NALF1: variants seen among roughly 807,000 people sequenced by gnomAD.
NALF1 encodes family with sequence similarity 155 member A.
Under a neutral mutation model 48.4 loss-of-function variants are expected in NALF1, and 3 were observed. The ratio of observed to expected loss-of-function variants is 0.06; its 90% CI spans 0.03 to 0.16. The LOEUF is 0.16. Among genes scored for constraint, NALF1 ranks in the 10% least tolerant of loss-of-function variants. NALF1 has a pLI of 1.00. For missense variants in NALF1, 526 were observed against 571.5 expected, an observed-to-expected ratio of 0.92 and a Z score of 0.81; for synonymous variants, 262 against 245.7, an observed-to-expected ratio of 1.07 and a Z score of -0.62.
At chr13:107,785,814 A>G (rs1878055285) in intron 1 of NALF1, among the ~76,000 whole-genome samples, 1 of 152,208 alleles carries the variant, frequency 6.6e-6, no homozygotes, top group African/African-American at 2.4e-5. Context: ...ACAGAAACAA[A>G]GAATAATTTT....
chr13:107,773,205 T>C (rs1000826701), intron 1 of NALF1, among the ~76,000 whole-genome samples: 2 of 152,234 alleles, frequency 1.3e-5, no homozygotes, highest in Non-Finnish European at 2.9e-5. Context: ...TGACATATTT[T>C]ACCTTGATCA....
At chr13:107,765,432 T>C (rs16971062) in intron 1 of NALF1, among the ~76,000 whole-genome samples, 1 of 152,124 alleles carries the variant, frequency 6.6e-6, no homozygotes, top group Non-Finnish European at 1.5e-5. Context: ...GACAATATTA[T>C]AGAGTTATAT....
At chr13:107,207,120 T>C (rs941945624) in intron 2 of NALF1, among the ~76,000 whole-genome samples, 1 of 152,194 alleles carries the variant, frequency 6.6e-6, no homozygotes, top group African/African-American at 2.4e-5. Context: ...TGAATTCTTT[T>C]TGATGAAGTT....
intron 1 of NALF1, among the ~76,000 whole-genome samples, chr13:107,851,517 T>C (rs1880313143): frequency 6.6e-6 from 1 of 152,126 alleles, no homozygotes; most frequent in African/African-American, 2.4e-5. Context: ...TGTTCAGTCA[T>C]AAAGTTATCA....
intron 1 of NALF1, among the ~76,000 whole-genome samples, chr13:107,469,286 A>G (rs975271517): frequency 4.6e-5 from 7 of 152,196 alleles, no homozygotes; most frequent in Non-Finnish European, 7.4e-5. Flanking sequence ...AGATTTTATC[A>G]TTTACAGATG....
At chr13:107,693,561 C>T (rs7328927) in intron 1 of NALF1, among the ~76,000 whole-genome samples, 150,963 of 152,212 alleles carry the variant, frequency 0.99, 74,871 homozygotes, top group East Asian at 1. Context: ...ATCTCTGCCA[C>T]GCTTATTAGG....
rs1883075874 is a variant in NALF1 at position 107,362,273 on chromosome 13, T to C, written c.916-151518A>G. Among the ~76,000 whole-genome samples, 3 of 152,196 alleles carry C rather than the reference T, an allele frequency of 2.0e-5. No homozygotes were observed. The highest frequency in any genetic ancestry group is 4.4e-5 in the Non-Finnish European group (3 of 68,036). On this transcript the variant is annotated intron_variant, in intron 1 of 2. Coordinates refer to ENST00000375915, the MANE Select transcript of NALF1 (RefSeq NM_001080396.3). This position sits in a 1 kb window ranked among gnomAD's most constrained non-coding sequence, Gnocchi z 4.6. ...GGAAGGAATAGTTGTATTCATTTTC[T>C]AGGGCGTGCTGTAACAAACTATGAT... is the stretch of plus-strand genomic sequence containing the variant.
At chr13:107,284,088 T>C (rs904596208) in intron 1 of NALF1, among the ~76,000 whole-genome samples, 2 of 152,170 alleles carry the variant, frequency 1.3e-5, no homozygotes, top group Non-Finnish European at 2.9e-5. Context: ...CAAAGGATTA[T>C]GGCTGACATA....
intron 1 of NALF1, among the ~76,000 whole-genome samples, chr13:107,599,678 T>C (rs1878868444): frequency 1.3e-5 from 2 of 152,240 alleles, no homozygotes; most frequent in Admixed American, 1.3e-4. Flanking sequence ...GAACACTATT[T>C]TATGTTCTCT....
chr13:107,343,824 A>G (rs1882725078), intron 1 of NALF1, among the ~76,000 whole-genome samples: 1 of 152,202 alleles, frequency 6.6e-6, no homozygotes, highest in Non-Finnish European at 1.5e-5. Flanking sequence ...CGAAGTAAAC[A>G]GGTAGCTAAC....
At chr13:107,805,233 G>A (rs1259814423) in intron 1 of NALF1, among the ~76,000 whole-genome samples, 1 of 152,044 alleles carries the variant, frequency 6.6e-6, no homozygotes, top group Non-Finnish European at 1.5e-5. Flanking sequence ...AAATTTCATA[G>A]GTCACTTCAC....
At chr13:107,231,035 T>G (rs1299255919) in intron 1 of NALF1, among the ~76,000 whole-genome samples, 1 of 119,714 alleles carries the variant, frequency 8.4e-6, no homozygotes, top group Non-Finnish European at 1.6e-5. Flanking sequence ...CACTCCAGCC[T>G]GAGCAACAGA....
At chr13:107,340,635 T>C (rs976905517) in intron 1 of NALF1, among the ~76,000 whole-genome samples, 12 of 151,870 alleles carry the variant, frequency 7.9e-5, no homozygotes, top group Non-Finnish European at 1.6e-4. Flanking sequence ...AATAGAGTCA[T>C]GTTTGAGGAT....
chr13:107,217,036 T>C (rs1411431404), intron 1 of NALF1, among the ~76,000 whole-genome samples: 1 of 152,242 alleles, frequency 6.6e-6, no homozygotes, highest in Admixed American at 6.5e-5. Context: ...GTCCTAACTA[T>C]GACACAGAGG....
At chr13:107,813,939 A>T (rs1355964290) in intron 1 of NALF1, among the ~76,000 whole-genome samples, 1 of 152,176 alleles carries the variant, frequency 6.6e-6, no homozygotes, top group Non-Finnish European at 1.5e-5. Context: ...ATATAAACAT[A>T]TAATCAATGT....
intron 1 of NALF1, among the ~76,000 whole-genome samples, chr13:107,574,648 T>C (rs1399786486): frequency 7.9e-5 from 12 of 152,130 alleles, no homozygotes; most frequent in Middle Eastern, 3.2e-3. Context: ...AAAGATAAAA[T>C]TGAGTGACCT....
chr13:107,565,618 C>G (rs1040179239), intron 1 of NALF1, among the ~76,000 whole-genome samples: 1 of 152,130 alleles, frequency 6.6e-6, no homozygotes, highest in African/African-American at 2.4e-5. Flanking sequence ...TTCTCTGATT[C>G]TAGCAAGTGG....
intron 1 of NALF1, among the ~76,000 whole-genome samples, chr13:107,770,908 C>T (rs1448113255): frequency 6.6e-6 from 1 of 152,000 alleles, no homozygotes; most frequent in Non-Finnish European, 1.5e-5. Flanking sequence ...TTGCATTATT[C>T]CTTTTGGCCT....
At chr13:107,472,546 G>A (rs2139053801) in intron 1 of NALF1, among the ~76,000 whole-genome samples, 1 of 152,248 alleles carries the variant, frequency 6.6e-6, no homozygotes, top group East Asian at 1.9e-4. Context: ...TCAGCTGCCA[G>A]TGTGGCTAGG....
Sources: gnomAD v4.1 joint callset for allele counts (sites outside exome capture counted in the v4.1 genomes callset) on GRCh38, gnomAD v4.1.1 for gene constraint, Gnocchi (gnomAD v3.1) non-coding constraint, MANE v1.5 for transcripts, NCBI Gene and HGNC (gene_info 2026-07-23, HGNC 2026-07-21) for gene names.